RNF213: variants seen among roughly 807,000 people sequenced by gnomAD.
The protein encoded by RNF213 is E3 ubiquitin-protein ligase RNF213.
A neutral mutation model predicts 514.4 loss-of-function variants in RNF213; 341 were observed. The observed-to-expected ratio is 0.66, with a 90% CI of 0.61 to 0.73. The LOEUF is 0.73. RNF213 is among the 30% of genes least tolerant of loss of function. RNF213 has a pLI of 0.00. For synonymous variants in RNF213, 2,655 were observed against 2,658.2 expected (o/e 1.00, Z 0.04); for missense variants, 5,767 against 6,615.6 (o/e 0.87, Z 4.45).
intron 3 of RNF213, chr17:80,278,992 C>T: frequency 6.6e-7 from 1 of 1,510,502 alleles, no homozygotes; most frequent in Non-Finnish European, 8.9e-7. Context: ...CCTCGCACTT[C>T]CGGCCCTTGA....
At chr17:80,295,288 A>G (rs2044893622) in intron 9 of RNF213, among the ~76,000 whole-genome samples, 1 of 151,962 alleles carries the variant, frequency 6.6e-6, no homozygotes, top group Non-Finnish European at 1.5e-5. Flanking sequence ...CTGCACCTTT[A>G]CCCACACTGC....
At position 80,345,527 on chromosome 17, in the gene RNF213, G is replaced by A. The variant is rs879833275; in HGVS notation, c.7192G>A (p.Asp2398Asn). The change falls in exon 29 of 68, where the codon GAC (aspartate) becomes AAC (asparagine). Residue 2398 changes from aspartate to asparagine, a missense_variant. Transcript: ENST00000582970. The surrounding 1 kb of genome is among the most constrained non-coding windows in gnomAD (Gnocchi z 6.0). ...CGACAAAACGTATGAGCTCACAACC[G>A]ACAATATGCTTAAAATCCTTGCCAT... ...DPDKTYELTT[D>N]NMLKILAIEM... 18 of 1,612,682 alleles carry A rather than the reference G, an allele frequency of 1.1e-5. No homozygotes were observed. Among genetic ancestry groups the A allele is most frequent in the Non-Finnish European group, 1.4e-5 (17 of 1,178,874 alleles).
chr17:80,275,705 A>C (rs1338709440), intron 3 of RNF213, among the ~76,000 whole-genome samples: 2 of 151,936 alleles, frequency 1.3e-5, no homozygotes, highest in Non-Finnish European at 2.9e-5. Flanking sequence ...TCCTTTGCCC[A>C]GGCTGGAGTG....
At chr17:80,329,193 C>T (rs2046352006) in intron 20 of RNF213, among the ~76,000 whole-genome samples, 1 of 152,254 alleles carries the variant, frequency 6.6e-6, no homozygotes, top group Admixed American at 6.5e-5. Flanking sequence ...CCGCTACTCA[C>T]TCCTGCTTCC....
rs1196689870 is a variant in RNF213 at position 80,372,002 on chromosome 17, T to G, written c.12537+17T>G. 1 of 1,267,286 alleles carries G rather than the reference T, an allele frequency of 7.9e-7. No homozygotes were observed. The highest frequency in any genetic ancestry group is 1.2e-6 in the Non-Finnish European group (1 of 863,208). The allele number at this position is 1,267,286 out of a possible 1,614,324, so 78.5% of individuals were successfully genotyped here. Reference sequence around the variant, plus strand: ...TGCCTGGAGGTAAGTGAACTCTCTCTTCCCTGAATTTCTTTTGGAAACTAT... The same window carrying G: ...TGCCTGGAGGTAAGTGAACTCTCTCGTCCCTGAATTTCTTTTGGAAACTAT... On this transcript the variant is annotated intron_variant, in intron 47 of 67. Coordinates refer to ENST00000582970, the MANE Select transcript of RNF213 (RefSeq NM_001256071.3).
chr17:80,279,416 T>C (rs548735923), intron 3 of RNF213, among the ~76,000 whole-genome samples: 4 of 152,170 alleles, frequency 2.6e-5, no homozygotes, highest in Non-Finnish European at 4.4e-5. Flanking sequence ...GTTTAGTCTC[T>C]GGTTTTTGGA....
chr17:80,386,547 G>T, intron 62 of RNF213, 117 bp downstream of exon 62: 2 of 1,396,888 alleles, frequency 1.4e-6, no homozygotes, highest in Admixed American at 1.8e-5. Flanking sequence ...TCCTTCAGCC[G>T]CCCCCACCAG....
At chr17:80,305,340 G>A (rs1380226857) in intron 11 of RNF213, among the ~76,000 whole-genome samples, 1 of 127,464 alleles carries the variant, frequency 7.8e-6, no homozygotes, top group Admixed American at 7.9e-5. Flanking sequence ...CACCACGCCT[G>A]GCTAATTTAG....
At chr17:80,296,666 C>G (rs2044961124) in intron 10 of RNF213, among the ~76,000 whole-genome samples, 1 of 152,146 alleles carries the variant, frequency 6.6e-6, no homozygotes, top group African/African-American at 2.4e-5. Flanking sequence ...CGACATCTGC[C>G]TCTCAGTTTT....
intron 57 of RNF213, 76 bp downstream of exon 57, chr17:80,381,803 C>T: frequency 1.5e-6 from 2 of 1,304,374 alleles, no homozygotes; most frequent in South Asian, 2.5e-5. Context: ...GTCTTGTGGG[C>T]CACCCCACAC....
chr17:80,344,824 T>G lies in RNF213; in HGVS notation c.6489T>G (p.Thr2163=), dbSNP rs755617844. ...ATCTGTGGGAGTTCTGCAGCGAAAC[T>G]TTCCAAAGACCTTACCAGTATTTAA... ...GMDLWEFCSE[T]FQRPYQYLRR... Residue 2163 remains threonine, a synonymous_variant, in exon 29 of 68, where the codon ACT becomes ACG. Transcript: ENST00000582970. The G allele has an allele frequency of 6.2e-7, 1 of 1,614,146 alleles. No individual in the cohort carries two copies. Among genetic ancestry groups the G allele is most frequent in the South Asian group, 1.1e-5 (1 of 91,072 alleles).
chr17:80,358,239 AC>A (rs745642649), intron 36 of RNF213, 48 bp from the exon 37 acceptor site: 76 of 1,568,996 alleles, frequency 4.8e-5, no homozygotes, highest in Non-Finnish European at 8.8e-6. Context: ...GCAGACCGCC[AC>A]TCTGGTTCCT....
At chr17:80,279,751 G>A (rs118050447) in intron 3 of RNF213, among the ~76,000 whole-genome samples, 7,008 of 152,188 alleles carry the variant, frequency 0.046, 302 homozygotes, top group East Asian at 0.17. Flanking sequence ...TTACAGACGT[G>A]AGCCACTGTG....
Position 80,393,399 on chromosome 17 carries a change from T to G in RNF213, c.15525T>G (p.Pro5175=). 6.2e-7 allele frequency: 1 copy of G among 1,614,218 alleles called. No homozygotes were observed. The highest frequency in any genetic ancestry group is 8.5e-7 in the Non-Finnish European group (1 of 1,180,006). The part of the protein sequence containing the change: ...YMQTKESEIL[P]EMASQFPEEI... The stretch of plus-strand genomic sequence containing the variant: ...AAACTAAAGAAAGTGAAATTCTTCC[T>G]GAAATGGCATCTCAGTTCCCAGAAG... Residue 5175 remains proline (P), a synonymous_variant, in exon 68 of 68, where the codon CCT becomes CCG. Coordinates refer to ENST00000582970, the MANE Select transcript of RNF213 (RefSeq NM_001256071.3).
chr17:80,302,521 G>A (rs1484634041), intron 11 of RNF213, among the ~76,000 whole-genome samples: 1 of 152,074 alleles, frequency 6.6e-6, no homozygotes, highest in African/African-American at 2.4e-5. Context: ...ATATAACACT[G>A]TTCCCCATAA....
At chr17:80,382,052 C>T (rs2080029203) in intron 57 of RNF213, 2 of 363,044 alleles carry the variant, frequency 5.5e-6, no homozygotes, top group South Asian at 2.4e-5. Context: ...TCTTCAGTTC[C>T]GAAGTCAGCC....
Position 80,397,312 on chromosome 17 carries a change from T to C in RNF213, c.*3814T>C, listed in dbSNP as rs2080684704. The C allele has an allele frequency of 6.6e-6, 1 of 152,130 alleles. No homozygotes were observed. The highest frequency in any genetic ancestry group is 1.5e-5 in the Non-Finnish European group (1 of 68,028). 9.4% of individuals were successfully genotyped at this position (152,130 alleles called of 1,614,324 possible). ...AGCTTCAGTTTCCTCGTCTGTGAAA[T>C]ATCTGTCAGTGCTCTTAAGGGAGGA... On this transcript the variant is annotated 3_prime_UTR_variant, in exon 68 of 68. Transcript: ENST00000582970.
intron 62 of RNF213, 82 bp downstream of exon 62, chr17:80,386,512 A>T: frequency 6.6e-7 from 1 of 1,513,784 alleles, no homozygotes; most frequent in Non-Finnish European, 9.1e-7. Flanking sequence ...AGCAAGCTTC[A>T]GCCCCTTCCC....
chr17:80,310,613 C>T (rs1335000260), intron 14 of RNF213, among the ~76,000 whole-genome samples: 2 of 151,536 alleles, frequency 1.3e-5, no homozygotes, highest in Non-Finnish European at 2.9e-5. Context: ...AGTGCAATGG[C>T]GTGATCTCGG....
Sources: gnomAD v4.1 joint callset for allele counts (sites outside exome capture counted in the v4.1 genomes callset) on GRCh38, gnomAD v4.1.1 for gene constraint, Gnocchi (gnomAD v3.1) non-coding constraint, MANE v1.5 for transcripts, NCBI Gene and HGNC (gene_info 2026-07-23, HGNC 2026-07-21) for gene names.